Variants in AGBL4 observed in about 807,000 individuals in gnomAD.
AGBL4 encodes the protein AGBL carboxypeptidase 4, also known as cytosolic carboxypeptidase 6.
A neutral mutation model predicts 66.4 loss-of-function variants in AGBL4; 58 were observed. The ratio of observed to expected loss-of-function variants is 0.87; its 90% confidence interval spans 0.71 to 1.09. The LOEUF (loss-of-function observed/expected upper bound fraction) is 1.09. AGBL4 is among the 50% of genes least tolerant of loss of function. The pLI, the probability that AGBL4 is intolerant of heterozygous loss-of-function variation, is 0.00. For synonymous variants in AGBL4, 234 were observed against 222.9 expected (o/e 1.05, Z -0.44); for missense variants, 579 against 631.0 (o/e 0.92, Z 0.88).
At chr1:48,759,298 C>A in intron 6 of AGBL4, 1 of 1,550,140 alleles carries the variant, frequency 6.5e-7, no homozygotes, top group Non-Finnish European at 8.7e-7. Context: ...TGTAGGACAA[C>A]GAGAATCAGT....
chr1:48,728,452 T>A (rs1159960463), intron 6 of AGBL4, among the ~76,000 whole-genome samples: 1 of 150,632 alleles, frequency 6.6e-6, no homozygotes, highest in Non-Finnish European at 1.5e-5. Flanking sequence ...AATCTTTTTA[T>A]AAATGTGCCC....
At chr1:48,852,754 C>T (rs1418477631) in intron 6 of AGBL4, among the ~76,000 whole-genome samples, 1 of 152,106 alleles carries the variant, frequency 6.6e-6, no homozygotes, top group Non-Finnish European at 1.5e-5. Flanking sequence ...TTCTTAATAC[C>T]TTTCTCCAAA....
chr1:48,623,732 C>T (rs77013230), intron 9 of AGBL4, among the ~76,000 whole-genome samples: 2,448 of 152,346 alleles, frequency 0.016, 67 homozygotes, highest in African/African-American at 0.057. Context: ...CTGCAGCCTG[C>T]TCAGCTGAGT....
chr1:49,721,556 T>A (rs543439912), intron 2 of AGBL4, among the ~76,000 whole-genome samples: 2 of 152,174 alleles, frequency 1.3e-5, no homozygotes, highest in Admixed American at 6.6e-5. Flanking sequence ...GGTAAGAAAA[T>A]AAGGAGCCAT....
At chr1:49,503,363 C>G (rs775823623) in intron 3 of AGBL4, among the ~76,000 whole-genome samples, 3 of 152,158 alleles carry the variant, frequency 2.0e-5, no homozygotes, top group Admixed American at 6.5e-5. Context: ...TCATGAAGAA[C>G]TACTGCTAGG....
At position 48,590,927 on chromosome 1, in the gene AGBL4, A is replaced by G. The variant is rs1289971806; in HGVS notation, c.1010T>C (p.Phe337Ser). ...IHAHSTMMNG[F>S]MYGNIFEDEE... ...ATCCTCAAAGATGTTGCCATACATG[A>G]AGCCATTCATCATGGTGGAGTGGGC... Residue 337 changes from phenylalanine (F) to serine (S), a missense_variant, in exon 10 of 14, where the codon TTC becomes TCC. Physicochemically the swap from Phe to Ser is radical, Grantham distance 155 (BLOSUM62 -2). Coordinates refer to ENST00000371839, the MANE Select transcript of AGBL4 (RefSeq NM_032785.4). The G allele has an allele frequency of 3.7e-6, 6 of 1,610,756 alleles. No homozygotes were observed. Among genetic ancestry groups the G allele is most frequent in the Non-Finnish European group, 5.1e-6 (6 of 1,178,708 alleles).
chr1:49,979,601 G>GTAA (rs1658891671), intron 1 of AGBL4, among the ~76,000 whole-genome samples: 1 of 152,160 alleles, frequency 6.6e-6, no homozygotes, highest in Non-Finnish European at 1.5e-5. Context: ...CTGTACTACT[G>GTAA]TAATAATAAC....
At chr1:49,300,750 T>G (rs1644730407) in intron 3 of AGBL4, among the ~76,000 whole-genome samples, 1 of 152,180 alleles carries the variant, frequency 6.6e-6, no homozygotes, top group Non-Finnish European at 1.5e-5. Context: ...CTTCCATGCC[T>G]GTGCTCTAAT....
At chr1:48,754,345 T>C (rs1652200810) in intron 6 of AGBL4, among the ~76,000 whole-genome samples, 1 of 152,212 alleles carries the variant, frequency 6.6e-6, no homozygotes, top group Non-Finnish European at 1.5e-5. Context: ...ACCATTCTAA[T>C]CTACTTGTGC....
chr1:49,889,385 CT>C (rs1326639336), intron 1 of AGBL4, among the ~76,000 whole-genome samples: 1 of 152,108 alleles, frequency 6.6e-6, no homozygotes, highest in Admixed American at 6.6e-5. Flanking sequence ...TAAAATAATA[CT>C]TTTTTTCTTT....
intron 8 of AGBL4, among the ~76,000 whole-genome samples, chr1:48,638,324 GT>G (rs1209599347): frequency 6.6e-6 from 1 of 152,196 alleles, no homozygotes; most frequent in Non-Finnish European, 1.5e-5. Flanking sequence ...AGTTCTGGCT[GT>G]GTTCCTCACC....
chr1:48,839,018 A>G (rs11205552), intron 6 of AGBL4, among the ~76,000 whole-genome samples: 6,038 of 152,202 alleles, frequency 0.04, 398 homozygotes, highest in African/African-American at 0.14. Context: ...CAAAATAAAA[A>G]AGAAAATACA....
chr1:49,039,619 C>A (rs978257986), intron 5 of AGBL4, among the ~76,000 whole-genome samples: 2 of 152,106 alleles, frequency 1.3e-5, no homozygotes, highest in Admixed American at 6.6e-5. Flanking sequence ...ACAAGCGGTG[C>A]TGGAAAAATT....
chr1:48,951,791 A>G (rs534306068), intron 5 of AGBL4, among the ~76,000 whole-genome samples: 1 of 152,366 alleles, frequency 6.6e-6, no homozygotes, highest in Non-Finnish European at 1.5e-5. Flanking sequence ...TGACTACAAC[A>G]TTACCTCAAC....
intron 5 of AGBL4, among the ~76,000 whole-genome samples, chr1:48,869,085 C>T (rs1423010069): frequency 1.3e-5 from 2 of 152,182 alleles, no homozygotes; most frequent in East Asian, 3.9e-4. Flanking sequence ...TTCTCTACCC[C>T]TTGCTTCAAT....
At position 50,018,787 on chromosome 1, in the gene AGBL4, A is replaced by AGT. The variant is rs548568739; in HGVS notation, c.34+4974_34+4975dup. 2.8e-3 allele frequency among the ~76,000 whole-genome samples: 424 copies of AGT among 152,250 alleles called. 3 individuals carry two copies. The highest frequency in any genetic ancestry group is 9.9e-3 in the South Asian group (48 of 4,832). On this transcript the variant is annotated intron_variant, in intron 1 of 13. Coordinates refer to ENST00000371839, the MANE Select transcript of AGBL4 (RefSeq NM_032785.4). ...GCACATAAACTTTCTGTCAAAAAAT[A>AGT]GTTTTCTGTCTCAATACTTTTGAGA...
chr1:48,572,899 A>G (rs1383725697), intron 11 of AGBL4, among the ~76,000 whole-genome samples: 1 of 152,188 alleles, frequency 6.6e-6, no homozygotes, highest in African/African-American at 2.4e-5. Context: ...CCCAAAGACA[A>G]GTGGCAGAGG....
intron 4 of AGBL4, among the ~76,000 whole-genome samples, chr1:49,047,522 T>C (rs982963469): frequency 2.6e-5 from 4 of 152,136 alleles, no homozygotes; most frequent in Admixed American, 1.3e-4. Context: ...CACTCCTTCT[T>C]CTAACTAGAT....
chr1:49,917,989 G>C (rs1422632804), intron 1 of AGBL4, among the ~76,000 whole-genome samples: 1 of 152,088 alleles, frequency 6.6e-6, no homozygotes, highest in Non-Finnish European at 1.5e-5. Context: ...TGACTACTGG[G>C]TACATAACGA....
Sources: gnomAD v4.1 joint callset for allele counts (sites outside exome capture counted in the v4.1 genomes callset) on GRCh38, gnomAD v4.1.1 for gene constraint, MANE v1.5 for transcripts, NCBI Gene and HGNC (gene_info 2026-07-23, HGNC 2026-07-21) for gene names.